NAV1: variants seen among roughly 807,000 people sequenced by gnomAD.
NAV1 encodes the protein pore membrane and/or filament interacting like protein 3.
A neutral mutation model predicts 175.2 loss-of-function variants in NAV1; 18 were observed. The observed-to-expected ratio is 0.10, with a 90% CI of 0.07 to 0.15. The LOEUF is 0.15. Ranked by LOEUF, NAV1 falls within the 10% of genes least tolerant of loss-of-function variation. The pLI, the probability that NAV1 is intolerant of heterozygous loss-of-function variation, is 1.00. For missense variants in NAV1, 1,731 were observed against 2,436.6 expected (o/e 0.71, Z 6.10); for synonymous variants, 897 against 978.7 (o/e 0.92, Z 1.56).
At chr1:201,597,644 A>G (rs1245871221) in intron 2 of NAV1, among the ~76,000 whole-genome samples, 1 of 152,096 alleles carries the variant, frequency 6.6e-6, no homozygotes, top group African/African-American at 2.4e-5. Flanking sequence ...CTGCTCCACC[A>G]GGCTGAGGGC....
chr1:201,761,531 C>A (rs553381464), intron 3 of NAV1, among the ~76,000 whole-genome samples: 1 of 152,166 alleles, frequency 6.6e-6, no homozygotes, highest in Non-Finnish European at 1.5e-5. Context: ...ACTCACTTTG[C>A]GCTCACAGGG....
exon 1 of NAV1, chr1:201,649,373 G>T: frequency 1.2e-6 from 2 of 1,604,202 alleles, no homozygotes; most frequent in Non-Finnish European, 1.7e-6. Flanking sequence ...ACCCCGAGCT[G>T]GTGGTGACCG....
In NAV1 at chr1:201,812,973, T is replaced by C. The variant is rs892687583; in HGVS notation, c.5222-167T>C. ...CTTCTACCTTGTGAAGCAGGACTTA[T>C]GAGATTGCCATCTAGGCAGTCAGCA... On this transcript the variant is annotated intron_variant, in intron 27 of 29. Transcript: ENST00000367296. This position sits in a 1 kb window ranked among gnomAD's most constrained non-coding sequence, Gnocchi z 4.6. Among the ~76,000 whole-genome samples the C allele has an allele frequency of 6.6e-5, 10 of 152,234 alleles. No homozygotes were observed. The highest frequency in any genetic ancestry group is 2.4e-4 in the African/African-American group (10 of 41,458).
In NAV1 at chr1:201,788,586, G is replaced by A; in HGVS notation, c.3114G>A (p.Glu1038=). The A allele has an allele frequency of 6.2e-7, 1 of 1,614,118 alleles. No homozygotes were observed. Among genetic ancestry groups the A allele is most frequent in the Non-Finnish European group, 8.5e-7 (1 of 1,180,024 alleles). The change falls in exon 10 of 30, where the codon GAG becomes GAA. Residue 1038 remains glutamate (E), a synonymous_variant. Transcript: ENST00000367296. This position sits in a 1 kb window ranked among gnomAD's most constrained non-coding sequence, Gnocchi z 5.7. ...TGGGGAGCACCCTGTCCCTGGCCGA[G>A]AGACCCAAGGGAATGATTCGGTCAG...
chr1:201,741,736 T>C (rs1673433499), intron 3 of NAV1, among the ~76,000 whole-genome samples: 1 of 152,220 alleles, frequency 6.6e-6, no homozygotes, highest in Non-Finnish European at 1.5e-5. Context: ...CTTTCCTTCC[T>C]ACTCAACAGC....
chr1:201,691,026 A>C (rs1670910124), intron 1 of NAV1, among the ~76,000 whole-genome samples: 2 of 152,120 alleles, frequency 1.3e-5, no homozygotes, highest in South Asian at 4.1e-4. Context: ...AAGCTTGGGG[A>C]GGGGGAGTTG....
exon 9 of NAV1, chr1:201,786,533 C>T (rs141018923): frequency 6.2e-7 from 1 of 1,613,858 alleles, no homozygotes; most frequent in African/African-American, 1.3e-5. Context: ...TCTCCCCCTG[C>T]ACTTCCCATG....
At chr1:201,672,458 G>T (rs116662877) in intron 1 of NAV1, among the ~76,000 whole-genome samples, 1 of 152,268 alleles carries the variant, frequency 6.6e-6, no homozygotes, top group African/African-American at 2.4e-5. Context: ...CCAGATTTTG[G>T]ATAATAGAGC....
At chr1:201,555,088 T>C (rs1665974391) in intron 1 of NAV1, among the ~76,000 whole-genome samples, 1 of 152,222 alleles carries the variant, frequency 6.6e-6, no homozygotes, top group Non-Finnish European at 1.5e-5. Context: ...ACAGCAGTCA[T>C]ACCAGATTAG....
upstream of NAV1, among the ~76,000 whole-genome samples, chr1:201,643,680 T>C: frequency 6.6e-6 from 1 of 152,176 alleles, no homozygotes; most frequent in African/African-American, 2.4e-5. Flanking sequence ...CCCAAAGTGC[T>C]GGGATTACAG....
chr1:201,619,987 C>T (rs981050716), upstream of NAV1, among the ~76,000 whole-genome samples: 5 of 152,152 alleles, frequency 3.3e-5, no homozygotes, highest in Non-Finnish European at 7.3e-5. Flanking sequence ...ATAGCAATTC[C>T]CTTGTAGAAT....
intron 1 of NAV1, among the ~76,000 whole-genome samples, chr1:201,650,234 T>A (rs1400900319): frequency 2.6e-5 from 4 of 151,780 alleles, no homozygotes; most frequent in Non-Finnish European, 5.9e-5. Context: ...GTTCCATTGT[T>A]CTCCGTGCCT....
chr1:201,623,149 G>C lies in NAV1; in HGVS notation c.-558G>C, dbSNP rs1027628896. ...GTTTGCTGGGGCGGTGAGGGAGTCA[G>C]CTGAGGATGGGGAAGGCCCCTTCAG... is the stretch of plus-strand genomic sequence containing the variant. On this transcript the variant is annotated 5_prime_UTR_variant, in exon 1 of 30. Transcript: ENST00000367302. 3 of 985,920 alleles carry C rather than the reference G, an allele frequency of 3.0e-6. No homozygotes were observed. In the African/African-American group the frequency reaches 5.2e-5, roughly 17 times the overall value. 61.1% of individuals were successfully genotyped at this position (985,920 alleles called of 1,614,324 possible).
intron 16 of NAV1, chr1:201,804,163 G>A (rs1004016489): frequency 2.1e-6 from 1 of 481,876 alleles, no homozygotes; most frequent in African/African-American, 2.0e-5. Context: ...TTACTTCAAA[G>A]GACTCTTTAT....
chr1:201,736,591 AC>A (rs1433519818), intron 3 of NAV1, among the ~76,000 whole-genome samples: 66 of 151,944 alleles, frequency 4.3e-4, no homozygotes, highest in African/African-American at 1.5e-3. Context: ...AGAGAGAATT[AC>A]CCCCTCCCAG....
At chr1:201,767,946 G>T (rs943836864) in intron 3 of NAV1, among the ~76,000 whole-genome samples, 2 of 152,220 alleles carry the variant, frequency 1.3e-5, no homozygotes, top group African/African-American at 4.8e-5. Context: ...CCCTTGTTCA[G>T]ATGTACCAAA....
intron 3 of NAV1, among the ~76,000 whole-genome samples, chr1:201,770,102 G>A (rs1038712783): frequency 6.6e-6 from 1 of 152,220 alleles, no homozygotes; most frequent in Non-Finnish European, 1.5e-5. Context: ...TGGAATAGCT[G>A]GGCCTAAAAT....
At position 201,809,531 on chromosome 1, in the gene NAV1, G is replaced by A. The variant is rs115287022; in HGVS notation, c.4395G>A (p.Val1465=). 85 of 1,613,862 alleles carry A rather than the reference G, an allele frequency of 5.3e-5. No homozygotes were observed. The African/African-American group carries it at 1.1e-3, about 20-fold the overall frequency. Reference sequence around the variant, plus strand: ...TGCTGGATGAAGCTGTTTTCCAAGTGTTCAAGGTAAAGGGATACCTGTACT... The same window carrying A: ...TGCTGGATGAAGCTGTTTTCCAAGTATTCAAGGTAAAGGGATACCTGTACT... Residue 1465 remains valine (V), a synonymous_variant, in exon 22 of 30, where the codon GTG becomes GTA. Coordinates refer to ENST00000367296, the Ensembl canonical transcript of NAV1.
intron 1 of NAV1, among the ~76,000 whole-genome samples, chr1:201,553,518 G>A (rs938057395): frequency 1.3e-5 from 2 of 152,174 alleles, no homozygotes; most frequent in African/African-American, 4.8e-5. Context: ...TTATTCTATT[G>A]TCTTCTATTT....
Sources: allele counts gnomAD v4.1 joint callset (sites outside exome capture counted in the v4.1 genomes callset), GRCh38; gene constraint gnomAD v4.1.1; non-coding constraint Gnocchi (gnomAD v3.1); transcripts MANE v1.5; gene names NCBI Gene and HGNC (gene_info 2026-07-23, HGNC 2026-07-21).